CWH43: variants seen among roughly 807,000 people sequenced by gnomAD.
The protein encoded by CWH43 is cell wall biogenesis 43 C-terminal homolog.
In CWH43, 91 loss-of-function variants were observed where a neutral mutation model predicts 85.7. That is an observed-to-expected ratio of 1.06 (90% CI 0.90 to 1.26). CWH43 has a LOEUF of 1.26. Among genes scored for constraint, CWH43 ranks in the 50% most tolerant of loss-of-function variants. The pLI is 0.00. For missense variants in CWH43, 869 were observed against 839.2 expected, an observed-to-expected ratio of 1.04 and a Z score of -0.44; for synonymous variants, 323 against 293.6, an observed-to-expected ratio of 1.10 and a Z score of -1.02.
chr4:49,017,561 A>G (rs1348738389), intron 9 of CWH43, among the ~76,000 whole-genome samples: 3 of 152,170 alleles, frequency 2.0e-5, no homozygotes, highest in East Asian at 3.8e-4. Flanking sequence ...ATTTTGTTTT[A>G]TGGAGTTATT....
chr4:49,037,654 C>G (rs1485195286), intron 12 of CWH43, among the ~76,000 whole-genome samples: 1 of 151,978 alleles, frequency 6.6e-6, no homozygotes, highest in Non-Finnish European at 1.5e-5. Context: ...CTTCATCTTA[C>G]CAGTATTCCT....
intron 8 of CWH43, among the ~76,000 whole-genome samples, chr4:49,013,193 G>A (rs888776277): frequency 3.3e-5 from 5 of 152,228 alleles, no homozygotes; most frequent in African/African-American, 1.2e-4. Context: ...TCTAGCCTCA[G>A]CAATGGCAGA....
At chr4:49,043,022 G>A (rs1380696896) in intron 13 of CWH43, among the ~76,000 whole-genome samples, 4 of 152,134 alleles carry the variant, frequency 2.6e-5, no homozygotes, top group Non-Finnish European at 4.4e-5. Flanking sequence ...GGGCCCTGGT[G>A]CTGGACCTCT....
intron 9 of CWH43, among the ~76,000 whole-genome samples, chr4:49,019,703 C>T (rs1182093227): frequency 6.6e-6 from 1 of 151,906 alleles, no homozygotes; most frequent in African/African-American, 2.4e-5. Flanking sequence ...CCTCAGCCTC[C>T]AGAGCAGCTG....
Position 48,992,197 on chromosome 4 carries a change from T to G in CWH43, c.511+107T>G. The G allele has an allele frequency of 1.0e-6, 1 of 989,892 alleles. No homozygotes were observed. Among genetic ancestry groups the G allele is most frequent in the Non-Finnish European group, 1.5e-6 (1 of 672,710 alleles). 61.3% of individuals were successfully genotyped at this position (989,892 alleles called of 1,614,324 possible). On this transcript the variant is annotated intron_variant, in intron 4 of 15. Coordinates refer to ENST00000226432, the MANE Select transcript of CWH43 (RefSeq NM_025087.3). The surrounding 1 kb of genome is among the most constrained non-coding windows in gnomAD (Gnocchi z 4.3). ...ATAAAAGTAGTCTTTCTGCATTATATCTATATTTCAGCTTTTTCTTCCTCT... is the reference window on the plus strand; with the variant it reads ...ATAAAAGTAGTCTTTCTGCATTATAGCTATATTTCAGCTTTTTCTTCCTCT...
In CWH43 at chr4:49,056,471, T is replaced by C. The variant is rs539001019; in HGVS notation, c.2022-5341T>C. Among the ~76,000 whole-genome samples the C allele has an allele frequency of 6.6e-5, 10 of 152,308 alleles. No homozygotes were observed. The South Asian group carries it at 1.2e-3, about 19-fold the overall frequency. On this transcript the variant is annotated intron_variant, in intron 15 of 15. Coordinates refer to ENST00000226432, the MANE Select transcript of CWH43 (RefSeq NM_025087.3). ...TTTTTTGGCATATTATTGCTCATAG[T>C]AGTCACTTATGATTATTTGTGTTTC...
At chr4:49,039,380 C>CTGAT in intron 13 of CWH43, among the ~76,000 whole-genome samples, 3 of 52,134 alleles carry the variant, frequency 5.8e-5, no homozygotes, top group African/African-American at 1.0e-4. Context: ...TATATATATA[C>CTGAT]TGATATATAT....
intron 13 of CWH43, among the ~76,000 whole-genome samples, chr4:49,041,220 A>C (rs955695576): frequency 3.3e-5 from 5 of 152,148 alleles, no homozygotes; most frequent in Non-Finnish European, 7.4e-5. Flanking sequence ...TTGACTTGGC[A>C]ATGCGGGCTC....
At chr4:48,994,192 A>G (rs1390230385) in intron 4 of CWH43, among the ~76,000 whole-genome samples, 2 of 152,228 alleles carry the variant, frequency 1.3e-5, no homozygotes, top group Non-Finnish European at 2.9e-5. Flanking sequence ...CTGCCCAGTC[A>G]ATGCACTAAT....
At chr4:49,014,788 C>CA (rs1187538832) in intron 8 of CWH43, among the ~76,000 whole-genome samples, 1 of 152,030 alleles carries the variant, frequency 6.6e-6, no homozygotes, top group Non-Finnish European at 1.5e-5. Flanking sequence ...CCATATGCCT[C>CA]ATGCCCCCAC....
chr4:49,047,466 C>T (rs2109834680), intron 14 of CWH43, among the ~76,000 whole-genome samples: 1 of 152,104 alleles, frequency 6.6e-6, no homozygotes, highest in African/African-American at 2.4e-5. Context: ...AAGGAGCTTC[C>T]AGAATATGGA....
intron 2 of CWH43, among the ~76,000 whole-genome samples, chr4:48,989,329 A>ACT (rs1782584352): frequency 6.6e-6 from 1 of 152,212 alleles, no homozygotes; most frequent in African/African-American, 2.4e-5. Flanking sequence ...GTCTTACTGC[A>ACT]CTGTGCAGTA....
In CWH43 at chr4:49,054,467, T is replaced by C. The variant is rs139126582; in HGVS notation, c.2021+3618T>C. Among the ~76,000 whole-genome samples the C allele has an allele frequency of 7.9e-5, 12 of 152,320 alleles. No homozygotes were observed. The East Asian group carries it at 2.1e-3, about 27-fold the overall frequency. On this transcript the variant is annotated intron_variant, in intron 15 of 15. Coordinates refer to ENST00000226432, the MANE Select transcript of CWH43 (RefSeq NM_025087.3). ...ATGCCTCCAGCTTTGTTCTTTTTGC[T>C]CGTGATTGCTTAGGCTGCTTGAGGT... is the stretch of plus-strand genomic sequence containing the variant.
intron 14 of CWH43, among the ~76,000 whole-genome samples, chr4:49,047,203 A>G (rs1784650901): frequency 6.6e-6 from 1 of 152,120 alleles, no homozygotes. Flanking sequence ...CCCAGTGGGG[A>G]TATGGCTTGT....
intron 3 of CWH43, 58 bp from the exon 4 acceptor site, chr4:48,991,878 T>A: frequency 7.2e-7 from 1 of 1,395,240 alleles, no homozygotes; most frequent in Non-Finnish European, 1.0e-6. Flanking sequence ...AAATTCATGA[T>A]GGACATAGTA....
chr4:49,049,815 T>C (rs1322207531), intron 14 of CWH43, among the ~76,000 whole-genome samples: 1 of 152,174 alleles, frequency 6.6e-6, no homozygotes, highest in Non-Finnish European at 1.5e-5. Flanking sequence ...TCCACCATAA[T>C]ATAGCAACCT....
At chr4:49,031,135 C>A in intron 11 of CWH43, 175 bp downstream of exon 11, 1 of 571,614 alleles carries the variant, frequency 1.7e-6, no homozygotes, top group Non-Finnish European at 2.9e-6. Context: ...AATGGTTTTT[C>A]TGTGGCTGGA....
chr4:49,028,512 C>G (rs868714716), intron 9 of CWH43, 117 bp from the exon 10 acceptor site: 2 of 618,620 alleles, frequency 3.2e-6, no homozygotes, highest in Middle Eastern at 2.6e-4. Flanking sequence ...GGGAAAATGT[C>G]TAAGGAAATT....
At chr4:49,004,101 A>G (rs1294468865) in intron 7 of CWH43, 109 bp downstream of exon 7, 13 of 994,602 alleles carry the variant, frequency 1.3e-5, no homozygotes, top group Non-Finnish European at 1.6e-5. Context: ...AGGATGATCT[A>G]GCTTTCTTGG....
Sources: gnomAD v4.1 joint callset for allele counts (sites outside exome capture counted in the v4.1 genomes callset) on GRCh38, gnomAD v4.1.1 for gene constraint, Gnocchi (gnomAD v3.1) non-coding constraint, MANE v1.5 for transcripts, NCBI Gene and HGNC (gene_info 2026-07-23, HGNC 2026-07-21) for gene names.